ZNF608: variants seen among roughly 807,000 people sequenced by gnomAD.
ZNF608 encodes renal carcinoma antigen NY-REN-36.
In ZNF608, 12 loss-of-function variants were observed where a neutral mutation model predicts 109.0. The observed-to-expected ratio is 0.11, with a 90% CI of 0.07 to 0.18. ZNF608 has a LOEUF of 0.18. Ranked by LOEUF, ZNF608 falls within the 10% of genes least tolerant of loss-of-function variation. The pLI is 1.00. For missense variants in ZNF608, 1,707 were observed against 1,879.3 expected, an observed-to-expected ratio of 0.91 and a Z score of 1.70; for synonymous variants, 732 against 717.4, an observed-to-expected ratio of 1.02 and a Z score of -0.33.
At chr5:124,654,970 G>C (rs1363468179) in intron 3 of ZNF608, among the ~76,000 whole-genome samples, 1 of 152,116 alleles carries the variant, frequency 6.6e-6, no homozygotes, top group Non-Finnish European at 1.5e-5. Flanking sequence ...CTTCCAACTA[G>C]ATGACACTCC....
chr5:124,712,137 A>G (rs1753517877), intron 2 of ZNF608, among the ~76,000 whole-genome samples: 1 of 152,066 alleles, frequency 6.6e-6, no homozygotes, highest in Admixed American at 6.5e-5. Context: ...ACAAAGCCAG[A>G]CTCCATCACA....
chr5:124,668,213 TATA>T (rs1751565482), intron 3 of ZNF608, among the ~76,000 whole-genome samples: 2 of 141,606 alleles, frequency 1.4e-5, no homozygotes, highest in Admixed American at 7.2e-5. Context: ...TATATATATA[TATA>T]TTATATATAT....
At chr5:124,664,488 T>C (rs1478366912) in intron 3 of ZNF608, among the ~76,000 whole-genome samples, 1 of 152,200 alleles carries the variant, frequency 6.6e-6, no homozygotes. Flanking sequence ...AGAAAATAAA[T>C]ATTAGGAACA....
intron 3 of ZNF608, among the ~76,000 whole-genome samples, chr5:124,662,534 A>G (rs963535695): frequency 1.3e-5 from 2 of 152,172 alleles, no homozygotes; most frequent in Non-Finnish European, 2.9e-5. Context: ...CAAGACTCCT[A>G]TTGTTCGCAT....
chr5:124,722,830 C>T (rs80299461), intron 2 of ZNF608, among the ~76,000 whole-genome samples: 1 of 152,124 alleles, frequency 6.6e-6, no homozygotes, highest in East Asian at 1.9e-4. Context: ...CAATTAAGCA[C>T]TCTTCGGATA....
At position 124,709,170 on chromosome 5, in the gene ZNF608, CAAAAAAAAAAA is replaced by C. The variant is rs1156276798; in HGVS notation, c.907-7912_907-7902del. On this transcript the variant is annotated intron_variant, in intron 2 of 9. Coordinates refer to ENST00000513986, the MANE Select transcript of ZNF608 (RefSeq NM_020747.3). ...TGGGCAACAGAGAGAGACTCTGTCT[CAAAAAAAAAAA>C]AAAAAAAAAAAAAAAAATCTGGGTT... Among the ~76,000 whole-genome samples, 152 of 32,720 alleles carry C rather than the reference CAAAAAAAAAAA, an allele frequency of 4.6e-3. 1 individual carries two copies. Among genetic ancestry groups the C allele is most frequent in the African/African-American group, 0.015 (131 of 8,458 alleles). 21.5% of individuals were successfully genotyped at this position (32,720 alleles called of 152,430 possible).
intron 3 of ZNF608, among the ~76,000 whole-genome samples, chr5:124,652,063 A>G (rs1750811257): frequency 6.6e-6 from 1 of 152,254 alleles, no homozygotes. Flanking sequence ...CCGTCTCAAT[A>G]CAGGCTCAAG....
intron 2 of ZNF608, among the ~76,000 whole-genome samples, chr5:124,705,561 C>T (rs1312867689): frequency 6.6e-6 from 1 of 152,176 alleles, no homozygotes; most frequent in African/African-American, 2.4e-5. Context: ...CTGCACCCAA[C>T]CTTCCAAAGC....
At chr5:124,740,431 T>C (rs1012458304) in intron 2 of ZNF608, among the ~76,000 whole-genome samples, 2 of 151,456 alleles carry the variant, frequency 1.3e-5, no homozygotes, top group Non-Finnish European at 2.9e-5. Flanking sequence ...TCTTTAATTA[T>C]AGCAAGTGAC....
chr5:124,739,757 A>G (rs1430978405), intron 2 of ZNF608, among the ~76,000 whole-genome samples: 1 of 152,230 alleles, frequency 6.6e-6, no homozygotes, highest in Non-Finnish European at 1.5e-5. Flanking sequence ...ATACACGCGC[A>G]CACACAGACA....
chr5:124,742,035 C>T (rs1749431956), intron 2 of ZNF608, among the ~76,000 whole-genome samples: 1 of 152,006 alleles, frequency 6.6e-6, no homozygotes, highest in Admixed American at 6.6e-5. Flanking sequence ...TTTCTTCCCT[C>T]CCCCACCCCA....
At chr5:124,702,932 A>G (rs1158902219) in intron 2 of ZNF608, among the ~76,000 whole-genome samples, 1 of 152,210 alleles carries the variant, frequency 6.6e-6, no homozygotes, top group African/African-American at 2.4e-5. Context: ...TTTAAAACTG[A>G]GCTGACAAAT....
At chr5:124,704,686 C>T (rs1020619915) in intron 2 of ZNF608, among the ~76,000 whole-genome samples, 1 of 152,100 alleles carries the variant, frequency 6.6e-6, no homozygotes, top group African/African-American at 2.4e-5. Flanking sequence ...CCACATTCCT[C>T]ATGGCATCAA....
chr5:124,709,599 G>T (rs1753410780), intron 2 of ZNF608, among the ~76,000 whole-genome samples: 1 of 152,192 alleles, frequency 6.6e-6, no homozygotes, highest in African/African-American at 2.4e-5. Context: ...CACATACTTA[G>T]CCTCAGTTGT....
At chr5:124,643,316 G>T (rs73296616) in intron 7 of ZNF608, among the ~76,000 whole-genome samples, 195 bp downstream of exon 7, 1 of 151,900 alleles carries the variant, frequency 6.6e-6, no homozygotes, top group African/African-American at 2.4e-5. Flanking sequence ...ACTGCCATAC[G>T]TGCTTTAACA....
intron 2 of ZNF608, among the ~76,000 whole-genome samples, chr5:124,702,620 T>C (rs1753100204): frequency 6.6e-6 from 1 of 152,160 alleles, no homozygotes. Flanking sequence ...TTCATATGAC[T>C]GTAGGAACTA....
chr5:124,701,351 A>C, intron 2 of ZNF608, 82 bp from the exon 3 acceptor site: 2 of 1,495,534 alleles, frequency 1.3e-6, no homozygotes, highest in South Asian at 1.3e-5. Flanking sequence ...CACTTCTAGA[A>C]TATATCACCA....
rs546219204 is a variant in ZNF608, at chr5:124,649,170, C to T, written c.1251-37G>A. On this transcript the variant is annotated intron_variant, in intron 4 of 9. Transcript: ENST00000513986. ...AGTAACAGATGTGAAAATGAGCATC[C>T]CCAAAAGAGCCAGGTGAAATCACAA... 5.7e-5 allele frequency: 86 copies of T among 1,497,620 alleles called. No homozygotes were observed. The South Asian group carries it at 1.0e-3, about 18-fold the overall frequency. The allele number at this position is 1,497,620 out of a possible 1,614,324, so 92.8% of individuals were successfully genotyped here. A position where few individuals can be genotyped will look rare whatever the true frequency, so the allele number is the denominator to read the frequency against.
intron 3 of ZNF608, among the ~76,000 whole-genome samples, chr5:124,672,712 G>A (rs2149815310): frequency 6.6e-6 from 1 of 152,306 alleles, no homozygotes. Flanking sequence ...CAAGCCCAGA[G>A]CTAAACCAGG....
Sources: gnomAD v4.1 joint callset for allele counts (sites outside exome capture counted in the v4.1 genomes callset) on GRCh38, gnomAD v4.1.1 for gene constraint, MANE v1.5 for transcripts, NCBI Gene and HGNC (gene_info 2026-07-23, HGNC 2026-07-21) for gene names.